The following PPP3CC variants were observed in gnomAD, a reference collection of about 807,000 sequenced individuals.
PPP3CC encodes the protein protein phosphatase 3 catalytic subunit gamma, also known as serine/threonine-protein phosphatase 2B catalytic subunit gamma isoform.
PPP3CC carries 35 observed loss-of-function variants against 60.3 expected under a neutral mutation model. The observed-to-expected ratio is 0.58, with a 90% CI of 0.44 to 0.77. The LOEUF is 0.77. PPP3CC is among the 30% of genes least tolerant of loss of function. PPP3CC has a pLI of 0.00. For synonymous variants in PPP3CC, 206 were observed against 224.3 expected, an observed-to-expected ratio of 0.92 and a Z score of 0.73; for missense variants, 570 against 628.9, an observed-to-expected ratio of 0.91 and a Z score of 1.00.
At chr8:22,531,354 C>G in intron 10 of PPP3CC, 1 of 1,513,264 alleles carries the variant, frequency 6.6e-7, no homozygotes, top group Non-Finnish European at 8.9e-7. Context: ...GTGCTAAGAG[C>G]TTAATGCTTA....
chr8:22,493,122 T>G, intron 3 of PPP3CC: 1 of 1,553,324 alleles, frequency 6.4e-7, no homozygotes, highest in Non-Finnish European at 8.8e-7. Flanking sequence ...CTGAATTGAG[T>G]CAACTTCTGA....
intron 3 of PPP3CC, among the ~76,000 whole-genome samples, chr8:22,485,967 T>C (rs1838211220): frequency 6.6e-6 from 1 of 152,064 alleles, no homozygotes; most frequent in Non-Finnish European, 1.5e-5. Flanking sequence ...ATAAAACTGG[T>C]TTCCAGTAAT....
intron 3 of PPP3CC, among the ~76,000 whole-genome samples, chr8:22,494,223 T>G (rs1023187220): frequency 3.9e-5 from 6 of 152,294 alleles, no homozygotes; most frequent in Admixed American, 3.9e-4. Context: ...CAGATCCGCA[T>G]GGCTGGGGAG....
At chr8:22,479,454 T>C (rs1357731175) in intron 3 of PPP3CC, among the ~76,000 whole-genome samples, 1 of 152,134 alleles carries the variant, frequency 6.6e-6, no homozygotes, top group Non-Finnish European at 1.5e-5. Context: ...AGCATTTTTC[T>C]GTATTGTTTT....
chr8:22,539,171 G>A (rs999901391), intron 12 of PPP3CC, among the ~76,000 whole-genome samples: 6 of 152,066 alleles, frequency 3.9e-5, no homozygotes, highest in South Asian at 2.1e-4. Context: ...ATGTTGTTTC[G>A]ATACGTGGAT....
At chr8:22,469,374 T>G (rs1185331587) in intron 1 of PPP3CC, among the ~76,000 whole-genome samples, 1 of 151,642 alleles carries the variant, frequency 6.6e-6, no homozygotes, top group African/African-American at 2.4e-5. Context: ...GAGAAGTGAG[T>G]TAAAGGGTAC....
chr8:22,491,792 TAC>T (rs1415210576), intron 3 of PPP3CC, among the ~76,000 whole-genome samples: 1 of 152,208 alleles, frequency 6.6e-6, no homozygotes, highest in Non-Finnish European at 1.5e-5. Context: ...ATTGGAATAA[TAC>T]TCATTCTTTG....
At chr8:22,492,791 A>G (rs1278476056) in intron 3 of PPP3CC, 1 of 999,608 alleles carries the variant, frequency 1.0e-6, no homozygotes, top group South Asian at 1.3e-5. Context: ...TGTCTCTGGT[A>G]TTGAAGAGGT....
At chr8:22,496,913 A>T (rs1838605820) in intron 3 of PPP3CC, among the ~76,000 whole-genome samples, 1 of 151,566 alleles carries the variant, frequency 6.6e-6, no homozygotes, top group Non-Finnish European at 1.5e-5. Context: ...CCTTGTATGG[A>T]TTTTGCACAT....
chr8:22,444,340 A>G (rs949054829), intron 1 of PPP3CC, among the ~76,000 whole-genome samples: 5 of 152,222 alleles, frequency 3.3e-5, no homozygotes, highest in Admixed American at 1.3e-4. Flanking sequence ...CAAGTGACAT[A>G]AAGCATGTGA....
intron 3 of PPP3CC, among the ~76,000 whole-genome samples, chr8:22,479,808 G>C (rs1018770229): frequency 1.2e-4 from 18 of 151,864 alleles, no homozygotes; most frequent in Admixed American, 1.2e-3. Context: ...CAGACTGAGC[G>C]GGCTTTGGTA....
At chr8:22,445,278 G>A (rs891837010) in intron 1 of PPP3CC, among the ~76,000 whole-genome samples, 3 of 151,984 alleles carry the variant, frequency 2.0e-5, no homozygotes, top group African/African-American at 4.8e-5. Context: ...CCCTAAACCC[G>A]ATTTCAATCT....
At chr8:22,505,398 C>G (rs1838884314) in intron 4 of PPP3CC, among the ~76,000 whole-genome samples, 1 of 152,108 alleles carries the variant, frequency 6.6e-6, no homozygotes, top group Admixed American at 6.6e-5. Flanking sequence ...TGTAATTTTA[C>G]TAATGAAAGC....
intron 1 of PPP3CC, among the ~76,000 whole-genome samples, chr8:22,466,428 G>A (rs1219247312): frequency 6.6e-6 from 1 of 152,144 alleles, no homozygotes; most frequent in Admixed American, 6.5e-5. Context: ...TTCCACAGTG[G>A]TTGAACTGAT....
At chr8:22,504,568 G>A (rs1430990491) in intron 4 of PPP3CC, among the ~76,000 whole-genome samples, 1 of 152,214 alleles carries the variant, frequency 6.6e-6, no homozygotes, top group African/African-American at 2.4e-5. Flanking sequence ...AGAGTGCTGA[G>A]ATTACAGATG....
At chr8:22,477,504 A>G (rs1428062482) in intron 3 of PPP3CC, among the ~76,000 whole-genome samples, 1 of 151,994 alleles carries the variant, frequency 6.6e-6, no homozygotes, top group Non-Finnish European at 1.5e-5. Context: ...GAAAGAAAGT[A>G]TGGATGTTAG....
chr8:22,536,059 C>T (rs1283184840), intron 12 of PPP3CC, among the ~76,000 whole-genome samples: 1 of 152,170 alleles, frequency 6.6e-6, no homozygotes, highest in Non-Finnish European at 1.5e-5. Flanking sequence ...GATTGAATTC[C>T]TCCTTCTCTT....
At chr8:22,442,088 G>C (rs1836689622) in intron 1 of PPP3CC, among the ~76,000 whole-genome samples, 1 of 152,208 alleles carries the variant, frequency 6.6e-6, no homozygotes, top group African/African-American at 2.4e-5. Context: ...ACCTGCGTTA[G>C]ATTTCTGTTG....
At chr8:22,490,416 T>C (rs1207842525) in intron 3 of PPP3CC, among the ~76,000 whole-genome samples, 2 of 152,180 alleles carry the variant, frequency 1.3e-5, no homozygotes, top group South Asian at 2.1e-4. Context: ...GTGCTATTTA[T>C]ACTGTTGACT....
Sources: gnomAD v4.1 joint callset for allele counts (sites outside exome capture counted in the v4.1 genomes callset) on GRCh38, gnomAD v4.1.1 for gene constraint, MANE v1.5 for transcripts, NCBI Gene and HGNC (gene_info 2026-07-23, HGNC 2026-07-21) for gene names.